The following ENPEP variants were observed in gnomAD, a reference collection of about 807,000 sequenced individuals.
ENPEP encodes glutamyl aminopeptidase, also known as AP-A.
ENPEP carries 103 observed loss-of-function variants against 114.5 expected under a neutral mutation model. The ratio of observed to expected loss-of-function variants is 0.90; its 90% CI spans 0.77 to 1.06. The LOEUF is 1.06. Among genes scored for constraint, ENPEP ranks in the 50% least tolerant of loss-of-function variants. The pLI is 0.00. For missense variants in ENPEP, 1,196 were observed against 1,161.3 expected (o/e 1.03, Z -0.43); for synonymous variants, 420 against 422.0 (o/e 1.00, Z 0.06).
intron 18 of ENPEP, among the ~76,000 whole-genome samples, chr4:110,555,688 A>G (rs1020948629): frequency 2.0e-4 from 30 of 152,188 alleles, no homozygotes; most frequent in African/African-American, 7.2e-4. Context: ...TTAGGACATG[A>G]TTGAAACCCT....
intron 11 of ENPEP, among the ~76,000 whole-genome samples, chr4:110,532,246 C>T (rs1726434988): frequency 6.6e-6 from 1 of 152,092 alleles, no homozygotes; most frequent in African/African-American, 2.4e-5. Context: ...AACCCCATAC[C>T]CTTTAGCTGT....
At position 110,509,670 on chromosome 4, in the gene ENPEP, G is replaced by T; in HGVS notation, c.1057G>T (p.Asp353Tyr). 3.1e-6 allele frequency: 5 copies of T among 1,612,710 alleles called. No individual in the cohort carries two copies. Among genetic ancestry groups the T allele is most frequent in the Non-Finnish European group, 4.2e-6 (5 of 1,179,676 alleles). The stretch of plus-strand genomic sequence containing the variant: ...TTCTATAGATAAAATCGCTATTCCA[G>T]ATTTTGGCACTGGTGCCATGGAGAA... ...LPKLDKIAIP[D>Y]FGTGAMENWG... Residue 353 changes from aspartate to tyrosine, a missense_variant, in exon 5 of 20, where the codon GAT becomes TAT. Transcript: ENST00000265162.
At position 110,533,732 on chromosome 4, in the gene ENPEP, C is replaced by T. The variant is rs547512670; in HGVS notation, c.1807+2455C>T. Among the ~76,000 whole-genome samples the T allele has an allele frequency of 5.9e-5, 9 of 152,252 alleles. No homozygotes were observed. In the South Asian group the frequency reaches 1.7e-3, roughly 28 times the overall value. ...GGAGTTCTCACACTCCTTCGTATCCCTTTGTCAATACATTTCACACATTTT... is the reference window on the plus strand; with the variant it reads ...GGAGTTCTCACACTCCTTCGTATCCTTTTGTCAATACATTTCACACATTTT... On this transcript the variant is annotated intron_variant, in intron 11 of 19. Coordinates refer to ENST00000265162, the MANE Select transcript of ENPEP (RefSeq NM_001977.4).
At chr4:110,503,404 A>G (rs1316566273) in intron 3 of ENPEP, among the ~76,000 whole-genome samples, 1 of 152,016 alleles carries the variant, frequency 6.6e-6, no homozygotes, top group African/African-American at 2.4e-5. Context: ...GTTCTTTCTT[A>G]TAACGGTTAT....
intron 10 of ENPEP, among the ~76,000 whole-genome samples, chr4:110,528,069 C>G (rs1238095623): frequency 6.6e-6 from 1 of 152,146 alleles, no homozygotes; most frequent in African/African-American, 2.4e-5. Context: ...GAACATAGAA[C>G]TGTATTCACA....
chr4:110,548,553 G>T (rs1455815118), intron 14 of ENPEP, among the ~76,000 whole-genome samples: 1 of 151,892 alleles, frequency 6.6e-6, no homozygotes, highest in Non-Finnish European at 1.5e-5. Flanking sequence ...CCACTTAGGT[G>T]CATTTTAGTG....
intron 4 of ENPEP, among the ~76,000 whole-genome samples, chr4:110,508,012 G>T (rs998007010): frequency 1.3e-5 from 2 of 152,106 alleles, no homozygotes; most frequent in African/African-American, 4.8e-5. Flanking sequence ...TTGTACACAT[G>T]AATTTAAAGA....
intron 1 of ENPEP, among the ~76,000 whole-genome samples, chr4:110,480,241 A>G (rs995022331): frequency 2.0e-5 from 3 of 152,254 alleles, no homozygotes; most frequent in African/African-American, 7.2e-5. Context: ...CGTCAGCTCA[A>G]TAACCTCATT....
At chr4:110,544,123 A>T (rs72667907) in intron 13 of ENPEP, among the ~76,000 whole-genome samples, 16,189 of 152,058 alleles carry the variant, frequency 0.11, 1,005 homozygotes, top group Middle Eastern at 0.22. Flanking sequence ...TCAAGGAAGG[A>T]ATTATGGGGT....
chr4:110,526,710 A>T (rs1726208595), intron 10 of ENPEP, among the ~76,000 whole-genome samples: 1 of 152,152 alleles, frequency 6.6e-6, no homozygotes, highest in South Asian at 2.1e-4. Context: ...CACTGTGGAG[A>T]ACTGATCACA....
intron 1 of ENPEP, among the ~76,000 whole-genome samples, chr4:110,486,744 C>A (rs989351193): frequency 5.3e-5 from 8 of 152,184 alleles, no homozygotes. Flanking sequence ...ATACATGTAA[C>A]TGCCCAGTGG....
intron 13 of ENPEP, among the ~76,000 whole-genome samples, chr4:110,545,054 A>C (rs1727003469): frequency 6.6e-6 from 1 of 152,216 alleles, no homozygotes; most frequent in African/African-American, 2.4e-5. Flanking sequence ...GTTAGAGCCA[A>C]GAGGGCAGCT....
chr4:110,543,122 A>C, intron 13 of ENPEP, 52 bp downstream of exon 13: 1 of 1,499,694 alleles, frequency 6.7e-7, no homozygotes, highest in Non-Finnish European at 9.2e-7. Flanking sequence ...GTTTTCTCAT[A>C]AATCTTTTAA....
chr4:110,480,795 G>A lies in ENPEP; in HGVS notation c.644+3737G>A, dbSNP rs144055757. ...TCTGGGGACAGAGTTGTAGTGGGGC[G>A]TGGAAGGAGAAAGTTTGAGAAACAT... is the stretch of plus-strand genomic sequence containing the variant. On this transcript the variant is annotated intron_variant, in intron 1 of 19. Coordinates refer to ENST00000265162, the MANE Select transcript of ENPEP (RefSeq NM_001977.4). 3.0e-3 allele frequency among the ~76,000 whole-genome samples: 453 copies of A among 152,308 alleles called. 13 individuals carry two copies. The South Asian group carries it at 0.038, about 13-fold the overall frequency.
intron 11 of ENPEP, among the ~76,000 whole-genome samples, chr4:110,535,962 A>G (rs1726603598): frequency 6.6e-6 from 1 of 151,800 alleles, no homozygotes. Context: ...TAACATATAT[A>G]CTTTTTTATA....
At chr4:110,538,595 C>T (rs1209080396) in intron 11 of ENPEP, among the ~76,000 whole-genome samples, 2 of 152,190 alleles carry the variant, frequency 1.3e-5, no homozygotes, top group African/African-American at 4.8e-5. Context: ...CATGTGTTCA[C>T]TGGAGTAGGA....
At chr4:110,497,393 C>A (rs78259923) in intron 3 of ENPEP, among the ~76,000 whole-genome samples, 1 of 150,970 alleles carries the variant, frequency 6.6e-6, no homozygotes, top group African/African-American at 2.4e-5. Flanking sequence ...TAGTAAGCCA[C>A]GGAGGATTGC....
At chr4:110,558,185 A>G (rs1267218210) in intron 18 of ENPEP, among the ~76,000 whole-genome samples, 3 of 149,768 alleles carry the variant, frequency 2.0e-5, no homozygotes, top group Non-Finnish European at 4.4e-5. Context: ...TTTAATTTGC[A>G]TAAAACAAAC....
intron 3 of ENPEP, among the ~76,000 whole-genome samples, chr4:110,505,786 G>A (rs749203468): frequency 8.5e-5 from 13 of 152,244 alleles, no homozygotes; most frequent in Non-Finnish European, 1.2e-4. Context: ...GTTGTCTGAG[G>A]TACTGCTTCC....
Sources: allele counts gnomAD v4.1 joint callset (sites outside exome capture counted in the v4.1 genomes callset), GRCh38; gene constraint gnomAD v4.1.1; transcripts MANE v1.5; gene names NCBI Gene and HGNC (gene_info 2026-07-23, HGNC 2026-07-21).